RMDN2: variants seen among roughly 807,000 people sequenced by gnomAD.
RMDN2 encodes the protein regulator of microtubule dynamics 2, also known as regulator of microtubule dynamics protein 2.
Under a neutral mutation model 52.8 loss-of-function variants are expected in RMDN2, and 61 were observed. The ratio of observed to expected loss-of-function variants is 1.16; its 90% CI spans 0.94 to 1.43. The LOEUF (loss-of-function observed/expected upper bound fraction) is 1.43, where lower values mean the gene tolerates loss of function less well. Ranked by LOEUF, RMDN2 falls within the 40% of genes most tolerant of loss-of-function variation. The pLI, the probability that RMDN2 is intolerant of heterozygous loss-of-function variation, is 0.00. For synonymous variants in RMDN2, 180 were observed against 153.1 expected (o/e 1.18, Z -1.30); for missense variants, 592 against 475.3 (o/e 1.25, Z -2.28).
At chr2:38,046,122 C>G (rs1020916753) in intron 10 of RMDN2, among the ~76,000 whole-genome samples, 1 of 152,154 alleles carries the variant, frequency 6.6e-6, no homozygotes, top group African/African-American at 2.4e-5. Context: ...ATTCACATAT[C>G]CCTGACTGAA....
intron 2 of RMDN2, among the ~76,000 whole-genome samples, chr2:37,935,798 A>T (rs888567887): frequency 6.6e-6 from 1 of 152,166 alleles, no homozygotes; most frequent in African/African-American, 2.4e-5. Context: ...TATATATATA[A>T]AATTATTTCA....
chr2:38,004,084 C>G, intron 9 of RMDN2, 40 bp downstream of exon 9: 1 of 1,604,582 alleles, frequency 6.2e-7, no homozygotes, highest in Non-Finnish European at 8.5e-7. Context: ...TCACTTTGAA[C>G]CTATCGCATA....
intron 7 of RMDN2, among the ~76,000 whole-genome samples, chr2:37,993,771 G>T (rs528128723): frequency 6.7e-6 from 1 of 149,956 alleles, no homozygotes; most frequent in African/African-American, 2.5e-5. Flanking sequence ...GTGGGGGGTG[G>T]GGGGGAGATG....
At chr2:38,019,893 C>T (rs904488547), downstream of RMDN2, among the ~76,000 whole-genome samples, 1 of 152,004 alleles carries the variant, frequency 6.6e-6, no homozygotes. Context: ...CCACTACACT[C>T]CACTCTCCAC....
At chr2:38,020,329 A>C (rs968971834), downstream of RMDN2, among the ~76,000 whole-genome samples, 7 of 151,548 alleles carry the variant, frequency 4.6e-5, no homozygotes, top group South Asian at 2.1e-4. Context: ...CCTATCAGGC[A>C]TTGATTCTCA....
At chr2:37,997,593 T>A (rs1675742372) in intron 8 of RMDN2, 79 bp downstream of exon 8, 2 of 953,326 alleles carry the variant, frequency 2.1e-6, no homozygotes, top group African/African-American at 1.6e-5. Flanking sequence ...GTCAAGGAAA[T>A]CTTTTCTCCA....
intron 10 of RMDN2, among the ~76,000 whole-genome samples, chr2:38,056,712 G>A (rs1461697186): frequency 2.0e-5 from 3 of 152,144 alleles, no homozygotes; most frequent in Non-Finnish European, 4.4e-5. Context: ...CTATGTGTAA[G>A]AATTGTGAAA....
chr2:38,038,202 T>A (rs1490170771), intron 10 of RMDN2, among the ~76,000 whole-genome samples: 1 of 152,166 alleles, frequency 6.6e-6, no homozygotes, highest in Non-Finnish European at 1.5e-5. Flanking sequence ...GACTTTCCAC[T>A]GGAGGCTCTT....
chr2:37,940,169 G>T (rs944128684), intron 2 of RMDN2, among the ~76,000 whole-genome samples: 2 of 152,118 alleles, frequency 1.3e-5, no homozygotes, highest in African/African-American at 2.4e-5. Flanking sequence ...ATGAAGTTCT[G>T]GGTTGAAAAT....
chr2:38,033,188 C>T (rs1194047133), intron 10 of RMDN2: 1 of 152,188 alleles, frequency 6.6e-6, no homozygotes, highest in African/African-American at 2.4e-5. Flanking sequence ...CATTTGGCTT[C>T]AGTGACACCA....
intron 2 of RMDN2, among the ~76,000 whole-genome samples, chr2:37,940,127 T>G (rs557968927): frequency 9.8e-5 from 15 of 152,334 alleles, no homozygotes; most frequent in Admixed American, 8.5e-4. Flanking sequence ...GTTTTATTTC[T>G]TCTTCACTTG....
At chr2:37,964,790 A>G (rs1460921188) in intron 2 of RMDN2, among the ~76,000 whole-genome samples, 1 of 152,172 alleles carries the variant, frequency 6.6e-6, no homozygotes, top group African/African-American at 2.4e-5. Flanking sequence ...GGGTCATTGA[A>G]TTCGTTTACT....
rs536334633 is a variant in RMDN2 at position 37,965,114 on chromosome 2, T to C, written c.453-8926T>C. ...TCCTTCCATATTCAACATATGTGTGTTTTTAGATCAAAAATTAGTCTCTTT... is the reference window on the plus strand; with the variant it reads ...TCCTTCCATATTCAACATATGTGTGCTTTTAGATCAAAAATTAGTCTCTTT... On this transcript the variant is annotated intron_variant, in intron 2 of 10. Transcript: ENST00000354545. Among the ~76,000 whole-genome samples, 5 of 152,290 alleles carry C rather than the reference T, an allele frequency of 3.3e-5. No individual in the cohort carries two copies. In the South Asian group the frequency reaches 1.0e-3, roughly 32 times the overall value.
intron 10 of RMDN2, among the ~76,000 whole-genome samples, chr2:38,035,189 G>C (rs945112781): frequency 1.3e-5 from 2 of 152,092 alleles, no homozygotes; most frequent in African/African-American, 4.8e-5. Flanking sequence ...CAGCCAGTTA[G>C]AAGGTGTACT....
At chr2:38,016,930 A>G (rs1408427386) in intron 10 of RMDN2, among the ~76,000 whole-genome samples, 1 of 152,194 alleles carries the variant, frequency 6.6e-6, no homozygotes, top group Non-Finnish European at 1.5e-5. Context: ...ACATGTGAGG[A>G]TTAATGCTGT....
intron 10 of RMDN2, among the ~76,000 whole-genome samples, chr2:38,005,460 G>A (rs1676945061): frequency 6.6e-6 from 1 of 152,138 alleles, no homozygotes; most frequent in Non-Finnish European, 1.5e-5. Context: ...CAGTGATGAT[G>A]AGCATTTTTT....
intron 10 of RMDN2, chr2:38,035,902 G>C (rs1448737841): frequency 6.6e-6 from 1 of 151,952 alleles, no homozygotes; most frequent in Non-Finnish European, 1.5e-5. Context: ...CTCTACCATG[G>C]TACCAAACAG....
At chr2:37,989,319 A>G (rs1297337948) in intron 5 of RMDN2, among the ~76,000 whole-genome samples, 1 of 152,180 alleles carries the variant, frequency 6.6e-6, no homozygotes, top group African/African-American at 2.4e-5. Flanking sequence ...TTACCCTCAC[A>G]GTATACATGT....
At chr2:37,934,946 C>T (rs1052769099) in intron 2 of RMDN2, among the ~76,000 whole-genome samples, 4 of 151,960 alleles carry the variant, frequency 2.6e-5, no homozygotes, top group Non-Finnish European at 5.9e-5. Flanking sequence ...ACTTTGATTC[C>T]AGTTGAAAGT....
Sources: allele counts gnomAD v4.1 joint callset (sites outside exome capture counted in the v4.1 genomes callset), GRCh38; gene constraint gnomAD v4.1.1; transcripts MANE v1.5; gene names NCBI Gene and HGNC (gene_info 2026-07-23, HGNC 2026-07-21).